Variants in OAS2 observed in about 807,000 individuals in gnomAD.
OAS2 encodes 2'-5'-oligoadenylate synthase 2.
A neutral mutation model predicts 71.3 loss-of-function variants in OAS2; 67 were observed. That is an observed-to-expected ratio of 0.94 (90% CI 0.77 to 1.15). OAS2 has a LOEUF of 1.15. OAS2 is among the 50% of genes most tolerant of loss of function. The pLI, the probability that OAS2 is intolerant of heterozygous loss-of-function variation, is 0.00. For synonymous variants in OAS2, 327 were observed against 321.8 expected, an observed-to-expected ratio of 1.02 and a Z score of -0.17; for missense variants, 789 against 822.5, an observed-to-expected ratio of 0.96 and a Z score of 0.50.
intron 2 of OAS2, among the ~76,000 whole-genome samples, chr12:112,995,068 G>T (rs986122690): frequency 6.6e-6 from 1 of 151,980 alleles, no homozygotes; most frequent in South Asian, 2.1e-4. Context: ...TCTTGTCTTG[G>T]GTTAACACCA....
rs189886076 is a variant in OAS2 at position 113,002,799 on chromosome 12, G to A, written c.1009-133G>A. 3.0e-4 allele frequency: 225 copies of A among 742,360 alleles called. 2 individuals carry two copies. Among genetic ancestry groups the A allele is most frequent in the African/African-American group, 3.0e-3 (169 of 57,204 alleles). 46.0% of individuals were successfully genotyped at this position (742,360 alleles called of 1,614,324 possible). On this transcript the variant is annotated intron_variant, in intron 5 of 9. Transcript: ENST00000392583. ...ATGTATTTGTGCAATGACAAAAGAC[G>A]GAAAAGATGCCAGCCCACGAGCAGG...
chr12:112,992,690 T>C (rs1043511643), intron 2 of OAS2, among the ~76,000 whole-genome samples: 2 of 152,160 alleles, frequency 1.3e-5, no homozygotes, highest in Non-Finnish European at 2.9e-5. Context: ...GGGAAACATG[T>C]ACCAGTTTGG....
chr12:112,993,257 T>TC lies in OAS2; in HGVS notation c.449-2034dup, dbSNP rs532202443. ...CCACCACTGTGTGCCACTACAACTCTCCCCCTAGGGCCTTTGACCCAAAGC... is the reference window on the plus strand; with the variant it reads ...CCACCACTGTGTGCCACTACAACTCTCCCCCCTAGGGCCTTTGACCCAAAGC... On this transcript the variant is annotated intron_variant, in intron 2 of 9. Transcript: ENST00000392583. 7.9e-5 allele frequency among the ~76,000 whole-genome samples: 12 copies of TC among 152,188 alleles called. 1 individual carries two copies. The South Asian group carries it at 2.5e-3, about 32-fold the overall frequency.
At chr12:112,982,923 A>G (rs1401481044) in intron 1 of OAS2, among the ~76,000 whole-genome samples, 1 of 152,118 alleles carries the variant, frequency 6.6e-6, no homozygotes, top group Non-Finnish European at 1.5e-5. Context: ...GTGTTCAGGA[A>G]TTTATCCATC....
intron 2 of OAS2, among the ~76,000 whole-genome samples, chr12:112,994,323 C>T (rs906215406): frequency 6.6e-6 from 1 of 152,242 alleles, no homozygotes; most frequent in African/African-American, 2.4e-5. Flanking sequence ...CTTGGCAACA[C>T]TTGTTTCCGC....
Position 112,978,898 on chromosome 12 carries a change from G to GGCCTC in OAS2, c.177+114_177+115insCCTCG. The GGCCTC allele has an allele frequency of 9.7e-7, 1 of 1,030,856 alleles. No homozygotes were observed. Among genetic ancestry groups the GGCCTC allele is most frequent in the Non-Finnish European group, 1.4e-6 (1 of 714,974 alleles). 63.9% of individuals were successfully genotyped at this position (1,030,856 alleles called of 1,614,324 possible). A position where few individuals can be genotyped will look rare whatever the true frequency, so the allele number is the denominator to read the frequency against. ...TATGTGCGAGGCCCACACTTGGGTG[G>GGCCTC]GATGTGGTGTAGGAGTCTCAGGCTC... On this transcript the variant is annotated intron_variant, in intron 1 of 9. Coordinates refer to ENST00000392583, the MANE Select transcript of OAS2 (RefSeq NM_002535.3). This position sits in a 1 kb window ranked among gnomAD's most constrained non-coding sequence, Gnocchi z 4.2.
intron 5 of OAS2, 89 bp downstream of exon 5, chr12:112,998,499 A>G (rs2044255958): frequency 5.6e-6 from 8 of 1,426,664 alleles, no homozygotes; most frequent in Non-Finnish European, 7.6e-6. Flanking sequence ...AGTACTCTAT[A>G]TTCGTTTCCT....
chr12:112,982,087 G>A (rs886177370), intron 1 of OAS2, among the ~76,000 whole-genome samples: 2 of 151,814 alleles, frequency 1.3e-5, no homozygotes, highest in African/African-American at 4.8e-5. Flanking sequence ...TTTGTATCCT[G>A]CAACTTTACC....
At chr12:112,983,836 A>T (rs1292003768) in intron 1 of OAS2, among the ~76,000 whole-genome samples, 1 of 152,162 alleles carries the variant, frequency 6.6e-6, no homozygotes, top group Non-Finnish European at 1.5e-5. Flanking sequence ...ACAGTATTTC[A>T]ATTTTTAAAA....
chr12:113,001,169 C>A (rs941080148), intron 5 of OAS2, among the ~76,000 whole-genome samples: 2 of 151,592 alleles, frequency 1.3e-5, no homozygotes, highest in Admixed American at 6.6e-5. Flanking sequence ...CATAACAATA[C>A]CCCGTCTCTA....
In OAS2 at chr12:113,002,478, C is replaced by T. The variant is rs4767049; in HGVS notation, c.1009-454C>T. Among the ~76,000 whole-genome samples, 554 of 152,350 alleles carry T rather than the reference C, an allele frequency of 3.6e-3. 9 individuals carry two copies. The highest frequency in any genetic ancestry group is 0.024 in the Admixed American group (369 of 15,302). On this transcript the variant is annotated intron_variant, in intron 5 of 9. Transcript: ENST00000392583. ...ACACACCCGCACATGGCGTGTTTAA[C>T]GCAGGCTGATACAACCTTAAGAAAG...
chr12:113,004,894 T>A (rs1292631857), intron 6 of OAS2, 40 bp from the exon 7 acceptor site: 1 of 1,605,136 alleles, frequency 6.2e-7, no homozygotes, highest in African/African-American at 1.3e-5. Flanking sequence ...GACTCCTCGG[T>A]TAAGGAAATT....
intron 5 of OAS2, among the ~76,000 whole-genome samples, chr12:113,000,542 A>G (rs2044274015): frequency 7.0e-6 from 1 of 143,838 alleles, no homozygotes; most frequent in Non-Finnish European, 1.5e-5. Flanking sequence ...TCACACATGC[A>G]CACACATGTA....
rs754223289 is a variant in OAS2, at chr12:112,997,795, C to T, written c.863+40C>T. 4.2e-6 allele frequency: 6 copies of T among 1,415,730 alleles called. No individual in the cohort carries two copies. In the East Asian group the frequency reaches 1.2e-4, roughly 29 times the overall value. 87.7% of individuals were successfully genotyped at this position (1,415,730 alleles called of 1,614,324 possible). On this transcript the variant is annotated intron_variant, in intron 4 of 9. Coordinates refer to ENST00000392583, the MANE Select transcript of OAS2 (RefSeq NM_002535.3). Reference sequence around the variant, plus strand: ...ACACCCTATCCCTGTACCTCATCATCCGCATGCCAGGCATACCTCTTTGGA... The same window carrying T: ...ACACCCTATCCCTGTACCTCATCATTCGCATGCCAGGCATACCTCTTTGGA...
chr12:113,010,649 C>A lies in OAS2; in HGVS notation c.*1394C>A. ...TCATAAAGTCTTGCCTTGCTGAACTCCCTCTCTGCAGGCAGCCTGCCTTTA... is the reference window on the plus strand; with the variant it reads ...TCATAAAGTCTTGCCTTGCTGAACTACCTCTCTGCAGGCAGCCTGCCTTTA... On this transcript the variant is annotated 3_prime_UTR_variant, in exon 10 of 10. Coordinates refer to ENST00000392583, the MANE Select transcript of OAS2 (RefSeq NM_002535.3). 1 of 1,015,142 alleles carries A rather than the reference C, an allele frequency of 9.9e-7. No homozygotes were observed. 62.9% of individuals were successfully genotyped at this position (1,015,142 alleles called of 1,614,324 possible). A position where few individuals can be genotyped will look rare whatever the true frequency, so the allele number is the denominator to read the frequency against.
rs1217975577 is a variant in OAS2 at position 113,005,938 on chromosome 12, A to C, written c.1469-475A>C. On this transcript the variant is annotated intron_variant, in intron 7 of 9. Coordinates refer to ENST00000392583, the MANE Select transcript of OAS2 (RefSeq NM_002535.3). ...AACAACAAAAAAAAAAAAAAAAAAA[A>C]AAAAAAAAAAAAACAAGAAGCAGCG... 1.6e-4 allele frequency among the ~76,000 whole-genome samples: 23 copies of C among 147,774 alleles called. 1 individual carries two copies. Among genetic ancestry groups the C allele is most frequent in the African/African-American group, 3.7e-4 (15 of 40,670 alleles).
At chr12:112,993,509 A>G (rs1006832220) in intron 2 of OAS2, among the ~76,000 whole-genome samples, 1 of 152,196 alleles carries the variant, frequency 6.6e-6, no homozygotes, top group East Asian at 1.9e-4. Flanking sequence ...GCCCAGAACC[A>G]TGCCTAGGGA....
chr12:112,989,701 G>A (rs956350135), intron 2 of OAS2, among the ~76,000 whole-genome samples: 1 of 152,186 alleles, frequency 6.6e-6, no homozygotes, highest in African/African-American at 2.4e-5. Context: ...AATTCCAAAA[G>A]AGAGGGAGGT....
chr12:112,986,856 G>C (rs1421809119), intron 1 of OAS2, among the ~76,000 whole-genome samples, 182 bp from the exon 2 acceptor site: 1 of 152,204 alleles, frequency 6.6e-6, no homozygotes, highest in African/African-American at 2.4e-5. Context: ...CCAGGTTGGG[G>C]CTAGTATGAA....
Sources: gnomAD v4.1 joint callset for allele counts (sites outside exome capture counted in the v4.1 genomes callset) on GRCh38, gnomAD v4.1.1 for gene constraint, Gnocchi (gnomAD v3.1) non-coding constraint, MANE v1.5 for transcripts, NCBI Gene and HGNC (gene_info 2026-07-23, HGNC 2026-07-21) for gene names.